ZNF75D: variants seen among roughly 807,000 people sequenced by gnomAD.
ZNF75D encodes the protein zinc finger protein 75.
Under a neutral mutation model 33.3 loss-of-function variants are expected in ZNF75D, and 33 were observed. That is an observed-to-expected ratio of 0.99 (90% CI 0.75 to 1.32). The LOEUF (loss-of-function observed/expected upper bound fraction) is 1.32. Among genes scored for constraint, ZNF75D ranks in the 40% most tolerant of loss-of-function variants. ZNF75D has a pLI of 0.00. For missense variants in ZNF75D, 338 were observed against 367.5 expected, an observed-to-expected ratio of 0.92 and a Z score of 0.66; for synonymous variants, 113 against 130.6, an observed-to-expected ratio of 0.87 and a Z score of 0.92.
chrX:135,304,849 A>G (rs1292262220), intron 1 of ZNF75D, among the ~76,000 whole-genome samples: 1 of 112,840 alleles, frequency 8.9e-6, no homozygotes, highest in Non-Finnish European at 1.9e-5. Context: ...ACTGACTTAC[A>G]TATTTAGACT....
intron 1 of ZNF75D, among the ~76,000 whole-genome samples, chrX:135,328,926 G>A (rs1350099645): frequency 2.7e-5 from 3 of 112,362 alleles, no homozygotes; most frequent in Non-Finnish European, 5.6e-5. Flanking sequence ...TTGCCTTAGT[G>A]TTGCCTGTCC....
chrX:135,280,082 G>A (rs1234931728), intron 1 of ZNF75D, among the ~76,000 whole-genome samples: 1 of 111,303 alleles, frequency 9.0e-6, no homozygotes, highest in Admixed American at 9.5e-5. Flanking sequence ...TGACAGTGGG[G>A]TGTTAAAGTC....
chrX:135,295,223 C>A lies in ZNF75D; in HGVS notation c.-119+545G>T, dbSNP rs1282944078. Among the ~76,000 whole-genome samples the A allele has an allele frequency of 1.1e-4, 12 of 112,011 alleles. No individual in the cohort carries two copies. The East Asian group carries it at 2.2e-3, about 21-fold the overall frequency. ...AAAAAAATGGTTGGCTCCTTGCTGACCATTCAGGCTCAGGAGGTACAGGAA... is the reference window on the plus strand; with the variant it reads ...AAAAAAATGGTTGGCTCCTTGCTGAACATTCAGGCTCAGGAGGTACAGGAA... On this transcript the variant is annotated intron_variant, in intron 2 of 6. Coordinates refer to ENST00000370766, the MANE Select transcript of ZNF75D (RefSeq NM_007131.5).
At chrX:135,265,019 G>A (rs1203979061) in intron 1 of ZNF75D, among the ~76,000 whole-genome samples, 1 of 111,630 alleles carries the variant, frequency 9.0e-6, no homozygotes, top group Non-Finnish European at 1.9e-5. Context: ...AGAAGTTCGA[G>A]ACCAGCCTGG....
At chrX:135,279,192 C>T (rs782097435) in intron 1 of ZNF75D, among the ~76,000 whole-genome samples, 5 of 111,586 alleles carry the variant, frequency 4.5e-5, no homozygotes, top group Non-Finnish European at 7.5e-5. Flanking sequence ...TTCAGGGATT[C>T]GACTTCTGCC....
chrX:135,291,219 A>C, intron 5 of ZNF75D, 84 bp from the exon 6 acceptor site: 1 of 1,095,816 alleles, frequency 9.1e-7, no homozygotes, highest in South Asian at 2.0e-5. Flanking sequence ...ATGGTAGGCC[A>C]GGTGCTGAAG....
At chrX:135,319,488 G>A (rs2084470842) in intron 1 of ZNF75D, among the ~76,000 whole-genome samples, 1 of 111,930 alleles carries the variant, frequency 8.9e-6, no homozygotes, top group African/African-American at 3.3e-5. Context: ...GGGCATAGAG[G>A]CTTCCAGGCC....
At chrX:135,315,858 GATC>G (rs2084414072) in intron 1 of ZNF75D, among the ~76,000 whole-genome samples, 1 of 111,822 alleles carries the variant, frequency 8.9e-6, no homozygotes, top group Non-Finnish European at 1.9e-5. Flanking sequence ...CACGTAGTTA[GATC>G]ATGTTTTTTT....
rs2084039811 is a variant in ZNF75D, at chrX:135,291,551, T to C, written c.617A>G (p.Gln206Arg). The C allele has an allele frequency of 1.6e-5, 19 of 1,209,573 alleles. No homozygotes were observed. The highest frequency in any genetic ancestry group is 2.1e-5 in the Non-Finnish European group (19 of 893,356). The change falls in exon 5 of 7, where the codon CAA becomes CGA. Residue 206 changes from glutamine (Q) to arginine (R), a missense_variant. Gln to Arg is a conservative substitution (Grantham distance 43). Coordinates refer to ENST00000370766, the MANE Select transcript of ZNF75D (RefSeq NM_007131.5). ...CTGCTCAGAAAGGGCTAACATCTGT[T>C]GATCATGCACAGCTGTGGGTAGAAA... ...QPVYERAVHD[Q>R]QMLALSEQKR...
chrX:135,262,725 C>T (rs782129604), intron 1 of ZNF75D, among the ~76,000 whole-genome samples: 4 of 111,894 alleles, frequency 3.6e-5, no homozygotes, highest in South Asian at 3.8e-4. Context: ...AGCTTCCTTG[C>T]GATGGACTCA....
chrX:135,318,670 T>G (rs2084456122), intron 1 of ZNF75D, among the ~76,000 whole-genome samples: 1 of 111,820 alleles, frequency 8.9e-6, no homozygotes, highest in Non-Finnish European at 1.9e-5. Flanking sequence ...ACTTTCATGC[T>G]GTACATGCTA....
chrX:135,257,211 A>G (rs2083807235), intron 1 of ZNF75D, among the ~76,000 whole-genome samples: 1 of 112,613 alleles, frequency 8.9e-6, no homozygotes, highest in Non-Finnish European at 1.9e-5. Flanking sequence ...AGCAAGAAGC[A>G]GGCTGTTGGG....
chrX:135,293,909 G>C lies in ZNF75D; in HGVS notation c.232C>G (p.Leu78Val). 8.3e-7 allele frequency: 1 copy of C among 1,210,960 alleles called. No individual in the cohort carries two copies. The highest frequency in any genetic ancestry group is 1.1e-6 in the Non-Finnish European group (1 of 894,851). Residue 78 changes from leucine to valine, a missense_variant, in exon 3 of 7, where the codon CTG (leucine) becomes GTG (valine). By Grantham distance (32) the Leu-to-Val change is conservative (BLOSUM62 1). This residue lies in a region of ZNF75D where 254 missense variants were observed against 267.7 expected (regional missense o/e 0.95). Coordinates refer to ENST00000370766, the MANE Select transcript of ZNF75D (RefSeq NM_007131.5). The part of the protein sequence containing the change: ...SQLQKLCHQW[L>V]RPEIHSKEQI... ...TCTTTTGAGTGGATCTCTGGCCTCA[G>C]CCACTGATGGCACAATTTCTGAAGT...
chrX:135,265,994 T>G (rs1018635583), intron 1 of ZNF75D, among the ~76,000 whole-genome samples: 4 of 112,322 alleles, frequency 3.6e-5, no homozygotes, highest in African/African-American at 1.3e-4. Flanking sequence ...TGTTGAATTA[T>G]TATTAGTTTT....
chrX:135,280,231 C>G (rs1055989440), intron 1 of ZNF75D, among the ~76,000 whole-genome samples: 7 of 111,961 alleles, frequency 6.3e-5, no homozygotes, highest in Non-Finnish European at 1.3e-4. Flanking sequence ...CCTTTACCAT[C>G]ATGTAACGCC....
intron 1 of ZNF75D, among the ~76,000 whole-genome samples, chrX:135,313,371 T>C (rs782200403): frequency 8.0e-5 from 9 of 111,958 alleles, no homozygotes; most frequent in Non-Finnish European, 1.5e-4. Flanking sequence ...TAATTCTATA[T>C]TGTATTTGTT....
At chrX:135,326,687 G>A (rs782010631) in intron 1 of ZNF75D, among the ~76,000 whole-genome samples, 10 of 111,716 alleles carry the variant, frequency 9.0e-5, no homozygotes, top group African/African-American at 9.8e-5. Context: ...CACTCACCGC[G>A]AAGATCTGCA....
intron 1 of ZNF75D, among the ~76,000 whole-genome samples, chrX:135,271,357 G>A (rs1243885841): frequency 8.9e-6 from 1 of 112,028 alleles, no homozygotes; most frequent in Admixed American, 9.4e-5. Context: ...GTGAATATAT[G>A]TGTACTCTTT....
At chrX:135,281,168 T>A (rs1487817168), downstream of ZNF75D, among the ~76,000 whole-genome samples, 2 of 110,683 alleles carry the variant, frequency 1.8e-5, no homozygotes, top group African/African-American at 6.6e-5. Flanking sequence ...CCCATATTTC[T>A]TGGAGGCTTT....
Sources: allele counts gnomAD v4.1 joint callset (sites outside exome capture counted in the v4.1 genomes callset), GRCh38; gene constraint gnomAD v4.1.1; regional missense constraint gnomAD v4.1.1; transcripts MANE v1.5; gene names NCBI Gene and HGNC (gene_info 2026-07-23, HGNC 2026-07-21).